The following STK32A variants were observed in gnomAD, a reference collection of about 807,000 sequenced individuals.
STK32A encodes serine/threonine kinase 32A, also known as serine/threonine-protein kinase 32A.
Under a neutral mutation model 53.2 loss-of-function variants are expected in STK32A, and 41 were observed. The observed-to-expected ratio is 0.77, with a 90% CI of 0.60 to 1.00. The LOEUF is 1.00. Among genes scored for constraint, STK32A ranks in the 50% least tolerant of loss-of-function variants. The probability of loss-of-function intolerance (pLI) is 0.00; values close to 1 mark genes in which losing one functional copy is unlikely to be tolerated. For synonymous variants in STK32A, 166 were observed against 162.8 expected (o/e 1.02, Z -0.15); for missense variants, 458 against 485.8 (o/e 0.94, Z 0.54).
At chr5:147,399,297 A>G in the STK32A span, 1 of 1,581,900 alleles carries the variant, frequency 6.3e-7, no homozygotes, top group South Asian at 1.2e-5. Context: ...AGCTACATAT[A>G]TATCAATTCA....
chr5:147,252,640 T>C (rs1754046806), intron 2 of STK32A, among the ~76,000 whole-genome samples: 2 of 152,162 alleles, frequency 1.3e-5, no homozygotes, highest in African/African-American at 4.8e-5. Context: ...AGAAAGCTCA[T>C]AAAATAAAAA....
chr5:147,342,902 C>G lies in STK32A; in HGVS notation c.435-104C>G, dbSNP rs924966087. 10 of 947,610 alleles carry G rather than the reference C, an allele frequency of 1.1e-5. No individual in the cohort carries two copies. In the African/African-American group the frequency reaches 1.5e-4, roughly 14 times the overall value. The allele number at this position is 947,610 out of a possible 1,614,324, so 58.7% of individuals were successfully genotyped here. ...GAAGATGAGTATTGAGAAGCTAGTACACTGTTTCAACTCCAGTTAGCTTTC... is the reference window on the plus strand; with the variant it reads ...GAAGATGAGTATTGAGAAGCTAGTAGACTGTTTCAACTCCAGTTAGCTTTC... On this transcript the variant is annotated intron_variant, in intron 5 of 12. Coordinates refer to ENST00000397936, the MANE Select transcript of STK32A (RefSeq NM_001112724.2).
At chr5:147,268,727 G>T (rs956519755) in intron 2 of STK32A, among the ~76,000 whole-genome samples, 5 of 152,180 alleles carry the variant, frequency 3.3e-5, no homozygotes, top group Non-Finnish European at 5.9e-5. Context: ...GAGTGAAAAT[G>T]ATTGGAATGG....
rs1249137941 is a variant in STK32A at position 147,383,902 on chromosome 5, C to G, written c.1110C>G (p.Asp370Glu). ...IIFNREKVNRDFNKRQPNLAL... is the reference protein window; with the variant it reads ...IIFNREKVNREFNKRQPNLAL... ...TTTTCTTTTTAAGAGTAAACAGGGA[C>G]TTTAACAAAAGACAACCAAATCTAG... is the stretch of plus-strand genomic sequence containing the variant. Residue 370 changes from aspartate (D) to glutamate (E), a missense_variant, in exon 13 of 13, where the codon GAC becomes GAG. Transcript: ENST00000397936. 4 of 1,571,748 alleles carry G rather than the reference C, an allele frequency of 2.5e-6. No homozygotes were observed.
intron 4 of STK32A, among the ~76,000 whole-genome samples, chr5:147,287,077 C>T (rs1752380398): frequency 6.6e-6 from 1 of 152,188 alleles, no homozygotes. Context: ...AGGATAGGTG[C>T]TTCCTTTGTC....
the STK32A span, among the ~76,000 whole-genome samples, chr5:147,396,865 G>GTA: frequency 0.018 from 2,592 of 144,568 alleles, 48 homozygotes; most frequent in African/African-American, 0.037. Context: ...GTATATGTGT[G>GTA]TATATATATA....
intron 5 of STK32A, 122 bp downstream of exon 5, chr5:147,324,193 C>G: frequency 9.8e-7 from 1 of 1,024,466 alleles, no homozygotes; most frequent in Non-Finnish European, 1.4e-6. Context: ...TGAAACAGTA[C>G]CCTGAGGTAG....
chr5:147,291,202 T>C (rs1368039196), intron 4 of STK32A, among the ~76,000 whole-genome samples: 1 of 152,120 alleles, frequency 6.6e-6, no homozygotes, highest in Non-Finnish European at 1.5e-5. Flanking sequence ...TTCATCAAGA[T>C]TTTGCAAAGA....
At chr5:147,393,236 G>A in the STK32A span, 3 of 152,426 alleles carry the variant, frequency 2.0e-5, no homozygotes, top group Middle Eastern at 3.4e-3. Flanking sequence ...GAGGCAGGGA[G>A]GGCAAGAGGA....
At chr5:147,379,947 G>T (rs1041830275) in intron 11 of STK32A, among the ~76,000 whole-genome samples, 6 of 151,812 alleles carry the variant, frequency 4.0e-5, no homozygotes, top group Admixed American at 6.6e-5. Flanking sequence ...TACTCCTGTT[G>T]ATGTATCCAT....
chr5:147,263,740 A>G (rs896940162), intron 2 of STK32A, among the ~76,000 whole-genome samples: 2 of 152,060 alleles, frequency 1.3e-5, no homozygotes, highest in Non-Finnish European at 2.9e-5. Flanking sequence ...GAGAAGTTCT[A>G]GTTTCTAAAT....
At chr5:147,324,638 T>C (rs1754490533) in intron 5 of STK32A, among the ~76,000 whole-genome samples, 1 of 152,154 alleles carries the variant, frequency 6.6e-6, no homozygotes, top group Non-Finnish European at 1.5e-5. Flanking sequence ...AAAAGGATAA[T>C]ACTTTATAGT....
intron 8 of STK32A, among the ~76,000 whole-genome samples, chr5:147,367,356 G>T (rs184341627): frequency 6.6e-6 from 1 of 152,040 alleles, no homozygotes; most frequent in South Asian, 2.1e-4. Context: ...GTGAGCCGCC[G>T]CACCTGGTCA....
intron 4 of STK32A, among the ~76,000 whole-genome samples, chr5:147,318,801 C>G (rs1754148139): frequency 1.3e-5 from 2 of 150,862 alleles, no homozygotes; most frequent in African/African-American, 4.9e-5. Flanking sequence ...AATTACAGGC[C>G]AAATCCATAT....
intron 7 of STK32A, among the ~76,000 whole-genome samples, chr5:147,353,385 A>G (rs1756075718): frequency 6.6e-6 from 1 of 152,200 alleles, no homozygotes; most frequent in Non-Finnish European, 1.5e-5. Flanking sequence ...ACAGACTGAG[A>G]TATCATTAGG....
intron 2 of STK32A, among the ~76,000 whole-genome samples, chr5:147,271,248 A>G (rs1755018315): frequency 6.6e-6 from 1 of 152,138 alleles, no homozygotes. Context: ...CAATCTCTGA[A>G]CATAAATTGT....
At chr5:147,261,749 C>A (rs907772437) in intron 2 of STK32A, among the ~76,000 whole-genome samples, 3 of 152,130 alleles carry the variant, frequency 2.0e-5, no homozygotes, top group African/African-American at 7.2e-5. Context: ...TAGAAGAAAT[C>A]TAATTCTTAA....
At chr5:147,254,872 G>A (rs960311280) in intron 2 of STK32A, among the ~76,000 whole-genome samples, 1 of 152,200 alleles carries the variant, frequency 6.6e-6, no homozygotes, top group Admixed American at 6.5e-5. Flanking sequence ...GGGCGCGGTG[G>A]CTCACGCCTG....
chr5:147,312,753 T>G (rs962572252), intron 4 of STK32A, among the ~76,000 whole-genome samples: 1 of 152,212 alleles, frequency 6.6e-6, no homozygotes, highest in Non-Finnish European at 1.5e-5. Flanking sequence ...AGCGCTGAAA[T>G]AGGCACTGAC....
Sources: gnomAD v4.1 joint callset for allele counts (sites outside exome capture counted in the v4.1 genomes callset) on GRCh38, gnomAD v4.1.1 for gene constraint, MANE v1.5 for transcripts, NCBI Gene and HGNC (gene_info 2026-07-23, HGNC 2026-07-21) for gene names.